AKAP13: variants seen among roughly 807,000 people sequenced by gnomAD.
AKAP13 encodes A-kinase anchor protein 13.
A neutral mutation model predicts 264.5 loss-of-function variants in AKAP13; 80 were observed. The ratio of observed to expected loss-of-function variants is 0.30; its 90% CI spans 0.25 to 0.36. The LOEUF (loss-of-function observed/expected upper bound fraction) is 0.36. AKAP13 is among the 10% of genes least tolerant of loss of function. The probability of loss-of-function intolerance (pLI) is 1.00; values close to 1 mark genes in which losing one functional copy is unlikely to be tolerated. For missense variants in AKAP13, 3,712 were observed against 3,435.2 expected, an observed-to-expected ratio of 1.08 and a Z score of -2.01; for synonymous variants, 1,380 against 1,250.2, an observed-to-expected ratio of 1.10 and a Z score of -2.19.
At chr15:85,565,389 C>T (rs1270790323) in intron 5 of AKAP13, among the ~76,000 whole-genome samples, 1 of 152,224 alleles carries the variant, frequency 6.6e-6, no homozygotes, top group African/African-American at 2.4e-5. Flanking sequence ...AATTCACCAA[C>T]TGAAACAACC....
intron 1 of AKAP13, among the ~76,000 whole-genome samples, chr15:85,479,298 G>A (rs1182108215): frequency 6.6e-6 from 1 of 152,168 alleles, no homozygotes; most frequent in Non-Finnish European, 1.5e-5. Flanking sequence ...TTTGGATCCT[G>A]TTATTTTCCT....
intron 5 of AKAP13, among the ~76,000 whole-genome samples, chr15:85,552,142 C>A (rs1158650574): frequency 6.6e-6 from 1 of 152,218 alleles, no homozygotes; most frequent in East Asian, 1.9e-4. Flanking sequence ...ACAACCAATC[C>A]TATGCATTTA....
intron 2 of AKAP13, among the ~76,000 whole-genome samples, chr15:85,505,290 C>A (rs1166224709): frequency 6.6e-6 from 1 of 152,160 alleles, no homozygotes; most frequent in African/African-American, 2.4e-5. Flanking sequence ...TTTTAATGGA[C>A]CAAATAGGTG....
At chr15:85,476,729 T>A (rs2075176553) in intron 1 of AKAP13, among the ~76,000 whole-genome samples, 2 of 152,230 alleles carry the variant, frequency 1.3e-5, no homozygotes, top group East Asian at 3.9e-4. Context: ...TACATTAGTC[T>A]GTTGGGGTCA....
At chr15:85,451,570 G>T (rs769082247) in intron 1 of AKAP13, among the ~76,000 whole-genome samples, 4 of 152,200 alleles carry the variant, frequency 2.6e-5, no homozygotes, top group African/African-American at 4.8e-5. Flanking sequence ...AGGTCTGGTG[G>T]TAATGAAGTC....
chr15:85,590,662 A>C (rs189838238), intron 8 of AKAP13, among the ~76,000 whole-genome samples: 166 of 152,376 alleles, frequency 1.1e-3, no homozygotes, highest in African/African-American at 3.8e-3. Context: ...TTTTTGAGGC[A>C]AAGTTATTAC....
chr15:85,456,671 C>T (rs1417291076), intron 1 of AKAP13, among the ~76,000 whole-genome samples: 1 of 151,830 alleles, frequency 6.6e-6, no homozygotes, highest in Non-Finnish European at 1.5e-5. Context: ...CTGCCTCAGC[C>T]TCCCGAGTAG....
At chr15:85,612,643 G>A (rs1400975282) in intron 8 of AKAP13, among the ~76,000 whole-genome samples, 1 of 152,050 alleles carries the variant, frequency 6.6e-6, no homozygotes, top group Non-Finnish European at 1.5e-5. Context: ...TCAACATGGT[G>A]AAACACCGTC....
intron 1 of AKAP13, among the ~76,000 whole-genome samples, chr15:85,442,762 C>T (rs1336169618): frequency 6.6e-6 from 1 of 151,422 alleles, no homozygotes; most frequent in African/African-American, 2.4e-5. Context: ...GAAATAGGGA[C>T]TCTGGACCAC....
At chr15:85,679,523 C>A (rs886499656) in intron 14 of AKAP13, among the ~76,000 whole-genome samples, 4 of 152,132 alleles carry the variant, frequency 2.6e-5, no homozygotes, top group Non-Finnish European at 2.9e-5. Flanking sequence ...AAAATGCTAA[C>A]GTTGTGTTAC....
intron 20 of AKAP13, 164 bp from the exon 21 acceptor site, chr15:85,717,126 G>C: frequency 1.9e-6 from 1 of 537,220 alleles, no homozygotes; most frequent in South Asian, 2.6e-5. Context: ...TTTGTTACCA[G>C]GCCATGTGCA....
intron 27 of AKAP13, 111 bp downstream of exon 27, chr15:85,726,597 G>T: frequency 1.1e-6 from 1 of 890,938 alleles, no homozygotes; most frequent in South Asian, 1.8e-5. Flanking sequence ...AATGGCTCAG[G>T]ACAAATTCCT....
chr15:85,590,938 A>G (rs1324342719), intron 8 of AKAP13, among the ~76,000 whole-genome samples: 1 of 152,180 alleles, frequency 6.6e-6, no homozygotes, highest in Non-Finnish European at 1.5e-5. Flanking sequence ...TATGCTATTC[A>G]CTTATTTTAG....
At chr15:85,587,189 T>G (rs2079396748) in intron 8 of AKAP13, among the ~76,000 whole-genome samples, 1 of 152,204 alleles carries the variant, frequency 6.6e-6, no homozygotes, top group South Asian at 2.1e-4. Context: ...CCCAGCTCAT[T>G]AATCTACTTT....
chr15:85,442,483 T>A (rs1358649377), intron 1 of AKAP13, among the ~76,000 whole-genome samples: 2 of 106,836 alleles, frequency 1.9e-5, no homozygotes, highest in South Asian at 5.2e-4. Flanking sequence ...TATTATATAA[T>A]ATATATAATA....
chr15:85,582,924 G>T (rs2079183825), intron 7 of AKAP13: 1 of 985,478 alleles, frequency 1.0e-6, no homozygotes, highest in Non-Finnish European at 1.2e-6. Context: ...ACAGCAGCCT[G>T]TTCCATCTGT....
intron 1 of AKAP13, among the ~76,000 whole-genome samples, chr15:85,473,384 C>T (rs1371680646): frequency 6.6e-6 from 1 of 152,118 alleles, no homozygotes; most frequent in Non-Finnish European, 1.5e-5. Flanking sequence ...GGAAATAATT[C>T]AATTCAGCAA....
intron 2 of AKAP13, among the ~76,000 whole-genome samples, chr15:85,520,060 CT>C: frequency 6.6e-6 from 1 of 151,868 alleles, no homozygotes; most frequent in Non-Finnish European, 1.5e-5. Flanking sequence ...AACCTTGATG[CT>C]TTGTAATCTT....
chr15:85,624,599 T>A (rs960496594), intron 8 of AKAP13: 1 of 152,266 alleles, frequency 6.6e-6, no homozygotes, highest in Non-Finnish European at 1.5e-5. Context: ...TTGGCTTCTA[T>A]GTCCGGATGG....
Sources: allele counts gnomAD v4.1 joint callset (sites outside exome capture counted in the v4.1 genomes callset), GRCh38; gene constraint gnomAD v4.1.1; transcripts MANE v1.5; gene names NCBI Gene and HGNC (gene_info 2026-07-23, HGNC 2026-07-21).